Variants in CC2D2A observed in about 807,000 individuals in gnomAD.
The protein encoded by CC2D2A is coiled-coil and C2 domain-containing protein 2A.
CC2D2A carries 155 observed loss-of-function variants against 212.9 expected under a neutral mutation model. That is an observed-to-expected ratio of 0.73 (90% CI 0.64 to 0.83). CC2D2A has a LOEUF of 0.83. Ranked by LOEUF, CC2D2A falls within the 40% of genes least tolerant of loss-of-function variation. CC2D2A has a pLI of 0.00. For missense variants in CC2D2A, 1,856 were observed against 1,956.2 expected, an observed-to-expected ratio of 0.95 and a Z score of 0.97; for synonymous variants, 667 against 686.5, an observed-to-expected ratio of 0.97 and a Z score of 0.44.
At chr4:15,541,791 A>G (rs545231647) in intron 17 of CC2D2A, among the ~76,000 whole-genome samples, 1 of 152,264 alleles carries the variant, frequency 6.6e-6, no homozygotes, top group Admixed American at 6.5e-5. Context: ...TTAGCAATAT[A>G]TTTATTTGAG....
At position 15,574,291 on chromosome 4, in the gene CC2D2A, C is replaced by A. The variant is rs1318619045; in HGVS notation, c.3736C>A (p.Pro1246Thr). The A allele has an allele frequency of 6.4e-7, 1 of 1,551,284 alleles. No individual in the cohort carries two copies. Among genetic ancestry groups the A allele is most frequent in the Non-Finnish European group, 8.7e-7 (1 of 1,146,778 alleles). ...SYITLFITIEPQLVPGESIRE... is the reference protein window; with the variant it reads ...SYITLFITIETQLVPGESIRE... The stretch of plus-strand genomic sequence containing the variant: ...CATTACCCTCTTTATTACCATTGAG[C>A]CCCAGCTGGTTCCTGGAGAGTCCAT... The change falls in exon 29 of 37, where the codon CCC (proline) becomes ACC (threonine). Residue 1246 changes from proline (P) to threonine (T), a missense_variant. Transcript: ENST00000424120.
intron 33 of CC2D2A, among the ~76,000 whole-genome samples, chr4:15,590,837 T>C (rs930138060): frequency 3.3e-5 from 5 of 152,122 alleles, no homozygotes; most frequent in African/African-American, 1.2e-4. Flanking sequence ...CCTGCGTTCA[T>C]GCGATTCTCC....
At chr4:15,470,175 T>G (rs1713625008) in intron 1 of CC2D2A, 118 bp downstream of exon 1, 4 of 152,184 alleles carry the variant, frequency 2.6e-5, no homozygotes, top group Admixed American at 2.6e-4. Context: ...AATTGTAAAT[T>G]TAGGGGCTCT....
At chr4:15,560,096 T>C (rs1719497742) in intron 22 of CC2D2A, among the ~76,000 whole-genome samples, 1 of 151,384 alleles carries the variant, frequency 6.6e-6, no homozygotes, top group Non-Finnish European at 1.5e-5. Flanking sequence ...CCTCTCAAAG[T>C]GCTGGGATTA....
chr4:15,519,215 C>T, intron 11 of CC2D2A: 1 of 298,720 alleles, frequency 3.3e-6, no homozygotes. Flanking sequence ...TTCAAAGTTC[C>T]ACAAATCTCT....
intron 13 of CC2D2A, among the ~76,000 whole-genome samples, chr4:15,530,682 A>C (rs1403667611): frequency 2.6e-5 from 4 of 151,886 alleles, no homozygotes; most frequent in Non-Finnish European, 5.9e-5. Flanking sequence ...AGTAAAAGAG[A>C]TTTCCATCCC....
At chr4:15,556,675 C>CAG (rs779884307) in intron 20 of CC2D2A, among the ~76,000 whole-genome samples, 1 of 152,198 alleles carries the variant, frequency 6.6e-6, no homozygotes, top group Non-Finnish European at 1.5e-5. Context: ...AAGCACCAAG[C>CAG]AGAGAGGCAG....
At chr4:15,592,359 A>G (rs1025554632) in intron 33 of CC2D2A, among the ~76,000 whole-genome samples, 12 of 152,140 alleles carry the variant, frequency 7.9e-5, no homozygotes, top group African/African-American at 2.7e-4. Context: ...CTTTCACTTT[A>G]TAAGCACACT....
chr4:15,474,953 ACAG>A (rs927347504), intron 1 of CC2D2A, among the ~76,000 whole-genome samples: 2 of 152,222 alleles, frequency 1.3e-5, no homozygotes, highest in Non-Finnish European at 2.9e-5. Flanking sequence ...AAATTGAGCA[ACAG>A]CTAGAAAGAG....
chr4:15,569,401 G>A lies in CC2D2A; in HGVS notation c.3495+12G>A. On this transcript the variant is annotated intron_variant, in intron 27 of 36. Transcript: ENST00000424120. ...ATGATGTCTTAGAGGTAAGTTCTCA[G>A]TTTTAAGAAAGACACTTGTATTCAC... 6.8e-7 allele frequency: 1 copy of A among 1,470,226 alleles called. No homozygotes were observed. The highest frequency in any genetic ancestry group is 9.4e-7 in the Non-Finnish European group (1 of 1,069,162). The allele number at this position is 1,470,226 out of a possible 1,614,324, so 91.1% of individuals were successfully genotyped here.
chr4:15,579,328 C>CAA (rs60958258), intron 29 of CC2D2A, among the ~76,000 whole-genome samples: 1 of 138,062 alleles, frequency 7.2e-6, no homozygotes. Flanking sequence ...GACCCTGTCT[C>CAA]AAAAAAAAAA....
At chr4:15,518,459 G>A (rs1055002251) in intron 11 of CC2D2A, among the ~76,000 whole-genome samples, 1 of 152,200 alleles carries the variant, frequency 6.6e-6, no homozygotes, top group Non-Finnish European at 1.5e-5. Context: ...CAGGTACACA[G>A]TGCAAGCTGT....
Position 15,540,827 on chromosome 4 carries a change from C to T in CC2D2A, c.2004-10C>T. On this transcript the variant is annotated splice_polypyrimidine_tract_variant and intron_variant, in intron 16 of 36. Coordinates refer to ENST00000424120, the MANE Select transcript of CC2D2A (RefSeq NM_001378615.1). The stretch of plus-strand genomic sequence containing the variant: ...TACTAACTCCACCTGTGAATGGTCT[C>T]CTTTTGCAGAGCGGAGGTCTCGAGA... 2 of 1,591,640 alleles carry T rather than the reference C, an allele frequency of 1.3e-6. No individual in the cohort carries two copies. Among genetic ancestry groups the T allele is most frequent in the South Asian group, 2.3e-5 (2 of 87,020 alleles).
chr4:15,483,614 C>T (rs13131700), intron 4 of CC2D2A, among the ~76,000 whole-genome samples: 44,544 of 152,052 alleles, frequency 0.29, 7,412 homozygotes, highest in Non-Finnish European at 0.38. Flanking sequence ...TTTAAAACTC[C>T]TCTTTATCTC....
At chr4:15,472,254 G>A (rs1161919012) in intron 1 of CC2D2A, among the ~76,000 whole-genome samples, 1 of 152,088 alleles carries the variant, frequency 6.6e-6, no homozygotes, top group African/African-American at 2.4e-5. Context: ...TACGCAAATT[G>A]GGGCACATAC....
chr4:15,596,278 A>AT (rs1224879341), intron 34 of CC2D2A, 71 bp downstream of exon 34: 13 of 1,362,450 alleles, frequency 9.5e-6, no homozygotes, highest in East Asian at 7.8e-5. Context: ...GTTACAAGAT[A>AT]TTTTTTACCC....
chr4:15,479,675 A>C (rs1434192750), intron 3 of CC2D2A, among the ~76,000 whole-genome samples: 1 of 152,004 alleles, frequency 6.6e-6, no homozygotes, highest in Non-Finnish European at 1.5e-5. Flanking sequence ...ACTCCTGGGG[A>C]CTGAGGAGAC....
chr4:15,507,215 C>T (rs1181321967), intron 6 of CC2D2A, among the ~76,000 whole-genome samples: 2 of 152,108 alleles, frequency 1.3e-5, no homozygotes, highest in Admixed American at 1.3e-4. Flanking sequence ...TTGATTAGCA[C>T]AGCTTCAACT....
intron 1 of CC2D2A, among the ~76,000 whole-genome samples, chr4:15,475,629 T>C (rs182239724): frequency 8.5e-5 from 13 of 152,214 alleles, no homozygotes; most frequent in African/African-American, 3.1e-4. Flanking sequence ...GTAGCGGAGA[T>C]GAGCTGTAAA....
Sources: allele counts gnomAD v4.1 joint callset (sites outside exome capture counted in the v4.1 genomes callset), GRCh38; gene constraint gnomAD v4.1.1; transcripts MANE v1.5; gene names NCBI Gene and HGNC (gene_info 2026-07-23, HGNC 2026-07-21).